IL1RAPL1: variants seen among roughly 807,000 people sequenced by gnomAD.
The protein encoded by IL1RAPL1 is interleukin-1 receptor accessory protein-like 1.
Under a neutral mutation model 48.4 loss-of-function variants are expected in IL1RAPL1, and 3 were observed. That is an observed-to-expected ratio of 0.06 (90% CI 0.03 to 0.16). The LOEUF (loss-of-function observed/expected upper bound fraction) is 0.16, where lower values mean the gene tolerates loss of function less well. IL1RAPL1 is among the 10% of genes least tolerant of loss of function. The pLI is 1.00. For synonymous variants in IL1RAPL1, 185 were observed against 187.7 expected, an observed-to-expected ratio of 0.99 and a Z score of 0.12; for missense variants, 349 against 530.6, an observed-to-expected ratio of 0.66 and a Z score of 3.36.
At chrX:28,767,487 T>C (rs777122384) in intron 1 of IL1RAPL1, among the ~76,000 whole-genome samples, 12 of 111,312 alleles carry the variant, frequency 1.1e-4, no homozygotes, top group Admixed American at 8.6e-4. Context: ...TCAGGTGACC[T>C]ACCAGAGGAG....
chrX:28,947,055 C>T (rs1157260973), intron 2 of IL1RAPL1, among the ~76,000 whole-genome samples: 2 of 111,543 alleles, frequency 1.8e-5, no homozygotes, highest in East Asian at 5.7e-4. Context: ...CCACAGTAAT[C>T]AAGTTGTTCC....
At chrX:28,603,551 T>A in intron 1 of IL1RAPL1, among the ~76,000 whole-genome samples, 1 of 112,141 alleles carries the variant, frequency 8.9e-6, no homozygotes, top group East Asian at 2.8e-4. Flanking sequence ...TCTTCCTAAC[T>A]TTAGTATAAG....
intron 1 of IL1RAPL1, chrX:28,659,496 C>G: frequency 2.0e-6 from 1 of 488,611 alleles, no homozygotes; most frequent in Admixed American, 2.8e-5. Context: ...TGCTTAACCA[C>G]CCTTCTCCTT....
At chrX:29,925,480 C>T (rs1321980806) in intron 8 of IL1RAPL1, among the ~76,000 whole-genome samples, 1 of 71,226 alleles carries the variant, frequency 1.4e-5, no homozygotes, top group East Asian at 5.0e-4. Context: ...TTGTATAAGA[C>T]GTCTAATAGC....
intron 5 of IL1RAPL1, among the ~76,000 whole-genome samples, chrX:29,457,037 G>A (rs778677172): frequency 3.0e-4 from 33 of 109,411 alleles, no homozygotes; most frequent in African/African-American, 9.6e-4. Context: ...AGGAGGCCGA[G>A]GAGGAAAGAT....
chrX:28,872,778 G>C (rs1450944816), intron 2 of IL1RAPL1, among the ~76,000 whole-genome samples: 4 of 112,280 alleles, frequency 3.6e-5, no homozygotes, highest in African/African-American at 1.3e-4. Flanking sequence ...AGTTGGCATT[G>C]TCTTGTGCTA....
At chrX:29,854,173 CTT>C (rs1208231220) in intron 6 of IL1RAPL1, among the ~76,000 whole-genome samples, 2 of 112,098 alleles carry the variant, frequency 1.8e-5, no homozygotes, top group African/African-American at 3.2e-5. Flanking sequence ...AGGAGAAAGA[CTT>C]TATTCACACA....
rs192249022 is a variant in IL1RAPL1, at chrX:29,422,751, C to T, written c.703+23443C>T. ...GGTACATTACCTAGCCTGTAATAAACTCTCTGTAAATGCTAGTTTCCTCCC... is the reference window on the plus strand; with the variant it reads ...GGTACATTACCTAGCCTGTAATAAATTCTCTGTAAATGCTAGTTTCCTCCC... On this transcript the variant is annotated intron_variant, in intron 5 of 10. Coordinates refer to ENST00000378993, the MANE Select transcript of IL1RAPL1 (RefSeq NM_014271.4). Among the ~76,000 whole-genome samples, 350 of 111,583 alleles carry T rather than the reference C, an allele frequency of 3.1e-3. 1 individual carries two copies. The highest frequency in any genetic ancestry group is 5.5e-3 in the Non-Finnish European group (294 of 53,143).
At chrX:29,180,142 T>C (rs184735785) in intron 2 of IL1RAPL1, among the ~76,000 whole-genome samples, 183 of 110,225 alleles carry the variant, frequency 1.7e-3, no homozygotes, top group African/African-American at 5.3e-3. Context: ...TTGTTGATCA[T>C]CTCATTGAAT....
chrX:28,853,489 G>A (rs948528302), intron 2 of IL1RAPL1, among the ~76,000 whole-genome samples: 4 of 104,140 alleles, frequency 3.8e-5, no homozygotes, highest in Admixed American at 1.0e-4. Flanking sequence ...ATGTGTGTGC[G>A]CGCGCACACA....
chrX:29,063,794 G>T (rs1391078417), intron 2 of IL1RAPL1, among the ~76,000 whole-genome samples: 2 of 111,794 alleles, frequency 1.8e-5, no homozygotes, highest in African/African-American at 6.5e-5. Context: ...TTGGTGTCTG[G>T]TTCTGACATA....
At chrX:29,360,315 C>T (rs1933359233) in intron 3 of IL1RAPL1, among the ~76,000 whole-genome samples, 1 of 111,627 alleles carries the variant, frequency 9.0e-6, no homozygotes, top group South Asian at 3.7e-4. Flanking sequence ...CCTTAGCAGC[C>T]ATACACTAAA....
chrX:29,267,977 C>T (rs1229408186), intron 2 of IL1RAPL1, among the ~76,000 whole-genome samples: 1 of 111,271 alleles, frequency 9.0e-6, no homozygotes, highest in Non-Finnish European at 1.9e-5. Context: ...ATGATGCATG[C>T]AATACAGAGG....
chrX:29,207,076 G>A (rs939054346), intron 2 of IL1RAPL1, among the ~76,000 whole-genome samples: 14 of 111,246 alleles, frequency 1.3e-4, no homozygotes, highest in Admixed American at 3.8e-4. Context: ...TGTGGAGTGG[G>A]GGCAGGGGGG....
chrX:29,806,142 G>A (rs984191320), intron 6 of IL1RAPL1, among the ~76,000 whole-genome samples: 5 of 111,287 alleles, frequency 4.5e-5, no homozygotes, highest in South Asian at 3.7e-4. Context: ...TTACAAATAT[G>A]TAATAAGGAT....
chrX:28,863,072 G>A (rs910025846), intron 2 of IL1RAPL1, among the ~76,000 whole-genome samples: 9 of 110,781 alleles, frequency 8.1e-5, no homozygotes, highest in African/African-American at 3.0e-4. Context: ...GTAGAGATGG[G>A]GTTTCACCAT....
intron 2 of IL1RAPL1, among the ~76,000 whole-genome samples, chrX:28,883,901 T>C (rs1400107459): frequency 8.9e-6 from 1 of 112,143 alleles, no homozygotes; most frequent in African/African-American, 3.2e-5. Context: ...CTTAGAAGTG[T>C]TTCTTTTGTT....
rs199537764 is a variant in IL1RAPL1 at position 29,802,815 on chromosome X, GTA to G, written c.779-114641_779-114640del. ...TGTATATATATATATATATATGTGT[GTA>G]TATATATGTATACATATATGTATAC... On this transcript the variant is annotated intron_variant, in intron 6 of 10. Transcript: ENST00000378993. Among the ~76,000 whole-genome samples the G allele has an allele frequency of 8.8e-3, 457 of 51,790 alleles. 4 individuals are homozygous for G. Among genetic ancestry groups the G allele is most frequent in the Non-Finnish European group, 0.011 (320 of 29,728 alleles). The allele number at this position is 51,790 out of a possible 115,157, so 45.0% of individuals were successfully genotyped here.
chrX:29,473,898 A>G (rs1198253005), intron 5 of IL1RAPL1, among the ~76,000 whole-genome samples: 4 of 111,581 alleles, frequency 3.6e-5, no homozygotes, highest in Non-Finnish European at 7.5e-5. Flanking sequence ...TTAAATCCAA[A>G]CATTACTTAA....
Sources: gnomAD v4.1 joint callset for allele counts (sites outside exome capture counted in the v4.1 genomes callset) on GRCh38, gnomAD v4.1.1 for gene constraint, MANE v1.5 for transcripts, NCBI Gene and HGNC (gene_info 2026-07-23, HGNC 2026-07-21) for gene names.